CFHR2: variants seen among roughly 807,000 people sequenced by gnomAD.
The protein encoded by CFHR2 is complement factor H related 2, also known as complement factor H-related protein 2.
In CFHR2, 22 loss-of-function variants were observed where a neutral mutation model predicts 21.7. The observed-to-expected ratio is 1.01, with a 90% confidence interval of 0.72 to 1.45. The LOEUF is 1.45. Among genes scored for constraint, CFHR2 ranks in the 40% most tolerant of loss-of-function variants. The pLI, the probability that CFHR2 is intolerant of heterozygous loss-of-function variation, is 0.00. For missense variants in CFHR2, 294 were observed against 293.3 expected (o/e 1.00, Z -0.02); for synonymous variants, 98 against 97.4 (o/e 1.01, Z -0.04).
chr1:196,946,485 G>A (rs1659491490), intron 1 of CFHR2, among the ~76,000 whole-genome samples: 1 of 152,086 alleles, frequency 6.6e-6, no homozygotes, highest in African/African-American at 2.4e-5. Flanking sequence ...TTGTAGAGAT[G>A]TACAAAAGAT....
intron 1 of CFHR2, among the ~76,000 whole-genome samples, chr1:196,944,576 T>C (rs1376873758): frequency 1.3e-5 from 2 of 151,962 alleles, no homozygotes; most frequent in Admixed American, 6.6e-5. Flanking sequence ...GGTCCCATTT[T>C]ATTTCATGTT....
At chr1:196,947,750 G>A (rs1412109247) in intron 1 of CFHR2, among the ~76,000 whole-genome samples, 1 of 152,044 alleles carries the variant, frequency 6.6e-6, no homozygotes, top group Non-Finnish European at 1.5e-5. Flanking sequence ...AAAACAAAGA[G>A]CAGTAATATA....
chr1:196,949,737 C>A, intron 2 of CFHR2, 88 bp downstream of exon 2: 1 of 1,529,126 alleles, frequency 6.5e-7, no homozygotes, highest in South Asian at 1.1e-5. Flanking sequence ...TTGATAATCA[C>A]AGGAGCAGTG....
rs143768573 is a variant in CFHR2, at chr1:196,948,573, A to G, written c.59-882A>G. 7.6e-3 allele frequency among the ~76,000 whole-genome samples: 1,158 copies of G among 151,906 alleles called. 19 individuals are homozygous for G. Among genetic ancestry groups the G allele is most frequent in the African/African-American group, 0.027 (1,108 of 41,436 alleles). ...TTACAGGTATGAGCTACCACACCCA[A>G]CCCTCTCATACAATTTAAAGAATCT... On this transcript the variant is annotated intron_variant, in intron 1 of 4. Transcript: ENST00000367415.
rs750600499 is a variant in CFHR2 at position 196,958,863 on chromosome 1, AT to A, written c.614-11del. 8.7e-6 allele frequency: 13 copies of A among 1,498,790 alleles called. No homozygotes were observed. Among genetic ancestry groups the A allele is most frequent in the African/African-American group, 2.8e-5 (2 of 72,014 alleles). The allele number at this position is 1,498,790 out of a possible 1,614,324, so 92.8% of individuals were successfully genotyped here. On this transcript the variant is annotated splice_polypyrimidine_tract_variant and intron_variant, in intron 4 of 4. Transcript: ENST00000367415. ...GCATACTACTTAATGTTTTATGTTC[AT>A]TTTTTTCTACTTTCAGATCCATGTG...
rs1409589252 is a variant in CFHR2, at chr1:196,959,111, C to A, written c.*31C>A. 18 of 1,393,666 alleles carry A rather than the reference C, an allele frequency of 1.3e-5. No homozygotes were observed. The East Asian group carries it at 4.2e-4, about 32-fold the overall frequency. 86.3% of individuals were successfully genotyped at this position (1,393,666 alleles called of 1,614,324 possible). A position where few individuals can be genotyped will look rare whatever the true frequency, so the allele number is the denominator to read the frequency against. On this transcript the variant is annotated 3_prime_UTR_variant, in exon 5 of 5. Transcript: ENST00000367415. ...ATGGCATTACTATTAGTAAAATGCA[C>A]ACCTTTTTCTGAATTTACTATTATA...
Position 196,959,174 on chromosome 1 carries a change from C to T in CFHR2, c.*94C>T, listed in dbSNP as rs1571499808. On this transcript the variant is annotated 3_prime_UTR_variant, in exon 5 of 5. Coordinates refer to ENST00000367415, the MANE Select transcript of CFHR2 (RefSeq NM_005666.4). ...TTCATTTTTCAAGTACTGTTTTACT[C>T]ATTTTTATTCATAAATAAAGTTTTG... 1 of 874,418 alleles carries T rather than the reference C, an allele frequency of 1.1e-6. No individual in the cohort carries two copies. Among genetic ancestry groups the T allele is most frequent in the East Asian group, 2.7e-5 (1 of 36,950 alleles). The allele number at this position is 874,418 out of a possible 1,614,324, so 54.2% of individuals were successfully genotyped here. A position where few individuals can be genotyped will look rare whatever the true frequency, so the allele number is the denominator to read the frequency against.
rs557816082 is a variant in CFHR2 at position 196,950,340 on chromosome 1, ATG to A, written c.254-510_254-509del. On this transcript the variant is annotated intron_variant, in intron 2 of 4. Coordinates refer to ENST00000367415, the MANE Select transcript of CFHR2 (RefSeq NM_005666.4). ...AACAACATGAAATATTTTCTTCTAT[ATG>A]TACATATAAAGGAACCAAAAATATA... Among the ~76,000 whole-genome samples the A allele has an allele frequency of 6.7e-3, 1,014 of 152,344 alleles. 13 individuals carry two copies. The highest frequency in any genetic ancestry group is 0.023 in the African/African-American group (973 of 41,588).
intron 2 of CFHR2, among the ~76,000 whole-genome samples, chr1:196,950,222 G>A (rs1659673276): frequency 6.6e-6 from 1 of 152,122 alleles, no homozygotes; most frequent in South Asian, 2.1e-4. Flanking sequence ...AAACATTTAT[G>A]AGAGTTAAGA....
chr1:196,950,894 C>T lies in CFHR2; in HGVS notation c.296C>T (p.Ser99Phe), dbSNP rs1377633401. The T allele has an allele frequency of 3.1e-6, 5 of 1,613,868 alleles. No homozygotes were observed. Among genetic ancestry groups the T allele is most frequent in the Non-Finnish European group, 4.2e-6 (5 of 1,179,924 alleles). ...TTTGTGGAAAATGGTCATTCTGAAT[C>T]TTCAGGACAAACACATCTGGAAGGT... is the stretch of plus-strand genomic sequence containing the variant. ...FPFVENGHSESSGQTHLEGDT... is the reference protein window; with the variant it reads ...FPFVENGHSEFSGQTHLEGDT... The change falls in exon 3 of 5, where the codon TCT becomes TTT. Residue 99 changes from serine (S) to phenylalanine (F), a missense_variant. Transcript: ENST00000367415.
chr1:196,946,488 C>G (rs1659491722), intron 1 of CFHR2, among the ~76,000 whole-genome samples: 1 of 152,092 alleles, frequency 6.6e-6, no homozygotes, highest in Non-Finnish European at 1.5e-5. Flanking sequence ...TAGAGATGTA[C>G]AAAAGATTTT....
At chr1:196,954,507 T>G (rs1027761548) in intron 3 of CFHR2, among the ~76,000 whole-genome samples, 6 of 152,220 alleles carry the variant, frequency 3.9e-5, no homozygotes, top group African/African-American at 1.4e-4. Context: ...CACTAGGCAG[T>G]GCCTCAGTGG....
rs539659090 is a variant in CFHR2, at chr1:196,944,902, C to T, written c.58+964C>T. On this transcript the variant is annotated intron_variant, in intron 1 of 4. Coordinates refer to ENST00000367415, the MANE Select transcript of CFHR2 (RefSeq NM_005666.4). ...AAATTCATTTTTTTTTTGAGATGGA[C>T]TTTCACTCTTGTTTCCCAGGCTGGA... is the stretch of plus-strand genomic sequence containing the variant. Among the ~76,000 whole-genome samples the T allele has an allele frequency of 1.2e-4, 18 of 147,694 alleles. 1 individual carries two copies. Among genetic ancestry groups the T allele is most frequent in the Non-Finnish European group, 2.7e-4 (18 of 66,764 alleles).
intron 1 of CFHR2, among the ~76,000 whole-genome samples, chr1:196,948,864 T>C (rs1277611957): frequency 1.3e-5 from 2 of 152,182 alleles, no homozygotes; most frequent in Non-Finnish European, 2.9e-5. Context: ...GCTCTAACTT[T>C]ATCTTGAGTT....
rs1653022562 is a variant in CFHR2, at chr1:196,959,158, C to T, written c.*78C>T. The T allele has an allele frequency of 2.8e-6, 3 of 1,052,726 alleles. No homozygotes were observed. In the African/African-American group the frequency reaches 4.8e-5, roughly 17 times the overall value. 65.2% of individuals were successfully genotyped at this position (1,052,726 alleles called of 1,614,324 possible). A position where few individuals can be genotyped will look rare whatever the true frequency, so the allele number is the denominator to read the frequency against. Reference sequence around the variant, plus strand: ...TATATTTGTTTTCAATTTCATTTTTCAAGTACTGTTTTACTCATTTTTATT... The same window carrying T: ...TATATTTGTTTTCAATTTCATTTTTTAAGTACTGTTTTACTCATTTTTATT... On this transcript the variant is annotated 3_prime_UTR_variant, in exon 5 of 5. Coordinates refer to ENST00000367415, the MANE Select transcript of CFHR2 (RefSeq NM_005666.4).
At chr1:196,956,063 G>A (rs573867879) in intron 3 of CFHR2, among the ~76,000 whole-genome samples, 1 of 152,056 alleles carries the variant, frequency 6.6e-6, no homozygotes, top group Non-Finnish European at 1.5e-5. Flanking sequence ...AGAACAGCAT[G>A]GGGGAAGCCA....
chr1:196,944,888 T>G (rs1659417484), intron 1 of CFHR2, among the ~76,000 whole-genome samples: 1 of 148,334 alleles, frequency 6.7e-6, no homozygotes, highest in African/African-American at 2.5e-5. Flanking sequence ...AATTCATTTT[T>G]TTTTTGAGAT....
intron 3 of CFHR2, among the ~76,000 whole-genome samples, chr1:196,952,010 G>T (rs1030291034): frequency 1.3e-5 from 2 of 152,132 alleles, no homozygotes; most frequent in Non-Finnish European, 2.9e-5. Context: ...CCAGTGGGAG[G>T]TTATGTTGAT....
intron 1 of CFHR2, among the ~76,000 whole-genome samples, chr1:196,948,700 T>G (rs755935171): frequency 2.0e-5 from 3 of 152,156 alleles, no homozygotes. Flanking sequence ...GTCTTTTTAT[T>G]GTTTTTTTCC....
Sources: gnomAD v4.1 joint callset for allele counts (sites outside exome capture counted in the v4.1 genomes callset) on GRCh38, gnomAD v4.1.1 for gene constraint, MANE v1.5 for transcripts, NCBI Gene and HGNC (gene_info 2026-07-23, HGNC 2026-07-21) for gene names.